Variants in DENND4A observed in about 807,000 individuals in gnomAD.
The protein encoded by DENND4A is DENN domain containing 4A, also known as C-myc promoter-binding protein.
Under a neutral mutation model 199.3 loss-of-function variants are expected in DENND4A, and 70 were observed. That is an observed-to-expected ratio of 0.35 (90% confidence interval 0.29 to 0.43). DENND4A has a LOEUF of 0.43. Among genes scored for constraint, DENND4A ranks in the 20% least tolerant of loss-of-function variants. The probability of loss-of-function intolerance (pLI) is 1.00; values close to 1 mark genes in which losing one functional copy is unlikely to be tolerated. For missense variants in DENND4A, 1,723 were observed against 2,255.8 expected (o/e 0.76, Z 4.78); for synonymous variants, 686 against 766.9 (o/e 0.89, Z 1.74).
rs555330341 is a variant in DENND4A, at chr15:65,759,677, A to G, written c.-23+1683T>C. ...AACAATCTGTTCTGAGAAGACTGTT[A>G]AATGCTGACTTATCACCCTCAGCTC... On this transcript the variant is annotated intron_variant, in intron 2 of 32. Coordinates refer to ENST00000443035, the MANE Select transcript of DENND4A (RefSeq NM_001320835.1). 1.4e-4 allele frequency among the ~76,000 whole-genome samples: 21 copies of G among 152,318 alleles called. No individual in the cohort carries two copies. The East Asian group carries it at 4.0e-3, about 29-fold the overall frequency.
chr15:65,715,735 C>T (rs1253659401), intron 13 of DENND4A, 112 bp from the exon 14 acceptor site: 30 of 1,019,930 alleles, frequency 2.9e-5, no homozygotes, highest in Non-Finnish European at 4.0e-5. Flanking sequence ...TCCCACACCA[C>T]TACCATTTCG....
intron 4 of DENND4A, among the ~76,000 whole-genome samples, chr15:65,746,369 CTTTTTTTTTTTTTTTT>C (rs573935476): frequency 9.2e-4 from 47 of 51,302 alleles, no homozygotes; most frequent in African/African-American, 1.3e-3. Context: ...ACTTTTTTCT[CTTTTTTTTTTTTTTTT>C]TTTTTTTTTT....
chr15:65,774,181 C>T (rs2077215705), intron 1 of DENND4A, among the ~76,000 whole-genome samples: 1 of 151,672 alleles, frequency 6.6e-6, no homozygotes, highest in African/African-American at 2.4e-5. Flanking sequence ...CATGGTGAAA[C>T]CCTGTCTCTA....
At chr15:65,719,623 C>T (rs1305793270) in intron 12 of DENND4A, among the ~76,000 whole-genome samples, 1 of 152,136 alleles carries the variant, frequency 6.6e-6, no homozygotes, top group Non-Finnish European at 1.5e-5. Context: ...GGTGCAGTGG[C>T]TCACATCTGT....
rs1263699892 is a variant in DENND4A at position 65,756,460 on chromosome 15, C to T, written c.-10G>A. 1 of 1,589,436 alleles carries T rather than the reference C, an allele frequency of 6.3e-7. No individual in the cohort carries two copies. The highest frequency in any genetic ancestry group is 1.2e-5 in the South Asian group (1 of 86,270). On this transcript the variant is annotated 5_prime_UTR_variant, in exon 3 of 33. Transcript: ENST00000443035. ...CCTTGTCTTCAATCATCTTCCATTA[C>T]AGAAGGTTACATCTAAAAGGAAAGT...
chr15:65,764,098 G>T (rs1357228686), intron 1 of DENND4A, among the ~76,000 whole-genome samples: 1 of 152,124 alleles, frequency 6.6e-6, no homozygotes, highest in Non-Finnish European at 1.5e-5. Context: ...TTATGGATGT[G>T]CTACAACCAA....
Position 65,756,046 on chromosome 15 carries a change from C to T in DENND4A, c.311+94G>A, listed in dbSNP as rs184398499. The T allele has an allele frequency of 5.6e-6, 6 of 1,076,516 alleles. No homozygotes were observed. The African/African-American group carries it at 8.0e-5, about 14-fold the overall frequency. 66.7% of individuals were successfully genotyped at this position (1,076,516 alleles called of 1,614,324 possible). ...TGTGTATTTTTCTAAATCTGCCATA[C>T]ATCTATTAATGACCAGAATGAACAG... On this transcript the variant is annotated intron_variant, in intron 3 of 32. Transcript: ENST00000443035.
Position 65,701,044 on chromosome 15 carries a change from C to A in DENND4A, c.2701+7G>T, listed in dbSNP as rs1369438587. The A allele has an allele frequency of 1.9e-6, 3 of 1,602,578 alleles. No homozygotes were observed. The highest frequency in any genetic ancestry group is 2.3e-5 in the East Asian group (1 of 44,236). On this transcript the variant is annotated splice_region_variant and intron_variant, in intron 19 of 32. Transcript: ENST00000443035. Reference sequence around the variant, plus strand: ...TGAAGAACAAGTAAAACACATACATCCCTTACCTGAGAGAGTTGTTTGTGA... The same window carrying A: ...TGAAGAACAAGTAAAACACATACATACCTTACCTGAGAGAGTTGTTTGTGA...
In DENND4A at chr15:65,738,839, G is replaced by T; in HGVS notation, c.668C>A (p.Ser223Ter). Residue 223 changes from serine (S) to a stop codon, truncating the protein, a stop_gained, in exon 6 of 33, where the codon TCA (serine) becomes TAA (stop). Coordinates refer to ENST00000443035, the MANE Select transcript of DENND4A (RefSeq NM_001320835.1). LOFTEE classifies it high-confidence loss of function. ...ICRYPQEDYESFSLPESVPLF... is the reference protein window; with the variant it reads ...ICRYPQEDYE ...AGGAACAGATTCCGGTAGTGAGAAT[G>T]ACTCATAATCTTCTTGAGGATATCT... 1.2e-6 allele frequency: 2 copies of T among 1,607,126 alleles called. No individual in the cohort carries two copies. Among genetic ancestry groups the T allele is most frequent in the South Asian group, 2.2e-5 (2 of 89,552 alleles).
intron 7 of DENND4A, among the ~76,000 whole-genome samples, chr15:65,734,589 C>T (rs945605643): frequency 6.6e-6 from 1 of 152,092 alleles, no homozygotes; most frequent in Non-Finnish European, 1.5e-5. Flanking sequence ...ACGAGAAACA[C>T]CCACAGGTGT....
rs138017342 is a variant in DENND4A, at chr15:65,732,705, C to G, written c.1107+47G>C. ...ATTCTTATGTTACATTTTGACAGAG[C>G]CAATAACAACTCATAGGTCCCCCAA... On this transcript the variant is annotated intron_variant, in intron 8 of 32. Coordinates refer to ENST00000443035, the MANE Select transcript of DENND4A (RefSeq NM_001320835.1). The G allele has an allele frequency of 7.6e-4, 824 of 1,090,878 alleles. 9 individuals carry two copies. The African/African-American group carries it at 0.011, about 15-fold the overall frequency. The allele number at this position is 1,090,878 out of a possible 1,614,324, so 67.6% of individuals were successfully genotyped here. A position where few individuals can be genotyped will look rare whatever the true frequency, so the allele number is the denominator to read the frequency against.
intron 3 of DENND4A, chr15:65,753,812 G>T (rs891316223): frequency 3.3e-5 from 5 of 150,796 alleles, no homozygotes; most frequent in Admixed American, 3.3e-4. Flanking sequence ...GCCAAAAACT[G>T]GTCAAATTAT....
intron 24 of DENND4A, among the ~76,000 whole-genome samples, chr15:65,673,835 C>T (rs2076289905): frequency 6.6e-6 from 1 of 152,120 alleles, no homozygotes; most frequent in African/African-American, 2.4e-5. Flanking sequence ...ATTGCTTCCC[C>T]AAACTTTCTA....
intron 1 of DENND4A, among the ~76,000 whole-genome samples, chr15:65,781,132 A>C (rs2077425124): frequency 6.6e-6 from 1 of 152,202 alleles, no homozygotes; most frequent in Non-Finnish European, 1.5e-5. Flanking sequence ...AGGCAGAAGG[A>C]CTACATAAGC....
intron 29 of DENND4A, among the ~76,000 whole-genome samples, chr15:65,666,024 C>CA (rs1360904964): frequency 2.6e-5 from 4 of 152,008 alleles, no homozygotes; most frequent in Non-Finnish European, 5.9e-5. Context: ...AAATGTTAAA[C>CA]AAAAATCCAG....
At position 65,660,297 on chromosome 15, in the gene DENND4A, GTTTC is replaced by G; in HGVS notation, c.*1550_*1553del. 2 of 1,535,294 alleles carry G rather than the reference GTTTC, an allele frequency of 1.3e-6. No homozygotes were observed. Among genetic ancestry groups the G allele is most frequent in the Non-Finnish European group, 1.7e-6 (2 of 1,146,558 alleles). ...TTCCCAGAGTTGGAAGCTGTGAAAT[GTTTC>G]AGCATGGTGCTATTCACTAATGGTG... On this transcript the variant is annotated 3_prime_UTR_variant, in exon 33 of 33. Transcript: ENST00000443035.
intron 11 of DENND4A, among the ~76,000 whole-genome samples, chr15:65,727,303 A>C (rs1009727530): frequency 2.0e-5 from 3 of 151,754 alleles, no homozygotes; most frequent in African/African-American, 7.3e-5. Context: ...ATACAAAAAA[A>C]TTAACCAGGC....
At chr15:65,738,047 G>T in intron 6 of DENND4A, 102 bp from the exon 7 acceptor site, 1 of 1,168,964 alleles carries the variant, frequency 8.6e-7, no homozygotes, top group Non-Finnish European at 1.2e-6. Context: ...AGCCAGGTGA[G>T]AGGCCAGGTA....
In DENND4A at chr15:65,664,315, A is replaced by T. The variant is rs1358922793; in HGVS notation, c.5587+15T>A. ...GATATATAAATATTACATATTAGAT[A>T]TAAAGCTAAATTACCTATATCAATG... On this transcript the variant is annotated intron_variant, in intron 32 of 32. Coordinates refer to ENST00000443035, the MANE Select transcript of DENND4A (RefSeq NM_001320835.1). 2 of 1,437,212 alleles carry T rather than the reference A, an allele frequency of 1.4e-6. No individual in the cohort carries two copies. The highest frequency in any genetic ancestry group is 2.9e-5 in the African/African-American group (2 of 70,030). 89.0% of individuals were successfully genotyped at this position (1,437,212 alleles called of 1,614,324 possible).
Sources: gnomAD v4.1 joint callset for allele counts (sites outside exome capture counted in the v4.1 genomes callset) on GRCh38, gnomAD v4.1.1 for gene constraint, MANE v1.5 for transcripts, NCBI Gene and HGNC (gene_info 2026-07-23, HGNC 2026-07-21) for gene names.